Variants in PLSCR1 observed in about 807,000 individuals in gnomAD.
The protein encoded by PLSCR1 is PL scramblase 1.
In PLSCR1, 17 loss-of-function variants were observed where a neutral mutation model predicts 37.8. The observed-to-expected ratio is 0.45, with a 90% confidence interval of 0.31 to 0.68. PLSCR1 has a LOEUF of 0.68. PLSCR1 is among the 30% of genes least tolerant of loss of function. PLSCR1 has a pLI of 0.06. For synonymous variants in PLSCR1, 116 were observed against 125.9 expected (o/e 0.92, Z 0.53); for missense variants, 347 against 380.9 (o/e 0.91, Z 0.74).
At chr3:146,524,945 T>C (rs1488481471) in intron 5 of PLSCR1, among the ~76,000 whole-genome samples, 2 of 152,222 alleles carry the variant, frequency 1.3e-5, no homozygotes, top group Non-Finnish European at 2.9e-5. Flanking sequence ...CTATGGTTCA[T>C]AAATCTATCC....
chr3:146,542,757 CAT>C (rs2044352955), intron 1 of PLSCR1, among the ~76,000 whole-genome samples: 1 of 152,022 alleles, frequency 6.6e-6, no homozygotes, highest in South Asian at 2.1e-4. Context: ...CACAGATACA[CAT>C]ATATACACAT....
At chr3:146,535,920 A>C (rs2044259736) in intron 2 of PLSCR1, among the ~76,000 whole-genome samples, 1 of 152,206 alleles carries the variant, frequency 6.6e-6, no homozygotes, top group African/African-American at 2.4e-5. Flanking sequence ...AGCGTTTCAG[A>C]AAAACAGGAT....
chr3:146,542,019 G>A (rs776148723), intron 1 of PLSCR1, among the ~76,000 whole-genome samples: 26 of 152,124 alleles, frequency 1.7e-4, no homozygotes, highest in Non-Finnish European at 3.7e-4. Flanking sequence ...ATATATGATG[G>A]TGGTCCCATA....
At chr3:146,517,260 A>G in intron 7 of PLSCR1, 93 bp from the exon 8 acceptor site, 1 of 642,438 alleles carries the variant, frequency 1.6e-6, no homozygotes, top group Non-Finnish European at 2.5e-6. Context: ...ATATGGTATT[A>G]AAATTATGCA....
intron 7 of PLSCR1, chr3:146,517,371 T>C: frequency 3.4e-6 from 1 of 292,322 alleles, no homozygotes; most frequent in Non-Finnish European, 6.2e-6. Context: ...TTTCAGAAAG[T>C]TTTCCTGAAA....
At chr3:146,528,852 A>C (rs1442390049) in intron 3 of PLSCR1, 21 bp from the exon 4 acceptor site, 2 of 1,572,542 alleles carry the variant, frequency 1.3e-6, no homozygotes, top group Non-Finnish European at 1.7e-6. Context: ...AACAAGTGAA[A>C]TGATTTGTAA....
rs1048061374 is a variant in PLSCR1 at position 146,524,434 on chromosome 3, C to CA, written c.355+1170dup. On this transcript the variant is annotated intron_variant, in intron 5 of 8. Transcript: ENST00000342435. ...ACTTTCAATTTTGGAGAAAAAGAAA[C>CA]AAAAAAAAAACTGGAGACATTTCTT... 1.6e-3 allele frequency among the ~76,000 whole-genome samples: 221 copies of CA among 139,854 alleles called. 1 individual carries two copies. The highest frequency in any genetic ancestry group is 1.7e-3 in the African/African-American group (65 of 38,182). The allele number at this position is 139,854 out of a possible 152,430, so 91.7% of individuals were successfully genotyped here.
chr3:146,533,592 A>C (rs368186255), intron 2 of PLSCR1, 42 bp from the exon 3 acceptor site: 4 of 1,123,096 alleles, frequency 3.6e-6, no homozygotes, highest in Non-Finnish European at 4.0e-6. Context: ...GATTAAATAA[A>C]ATATATATTA....
At chr3:146,531,083 T>C (rs2044191719) in intron 3 of PLSCR1, among the ~76,000 whole-genome samples, 1 of 152,040 alleles carries the variant, frequency 6.6e-6, no homozygotes, top group African/African-American at 2.4e-5. Flanking sequence ...ATGCCAAAGG[T>C]CGCTATTGAG....
At chr3:146,521,474 A>G (rs1056758418) in intron 7 of PLSCR1, 70 bp downstream of exon 7, 50 of 1,307,740 alleles carry the variant, frequency 3.8e-5, no homozygotes, top group Non-Finnish European at 4.6e-5. Flanking sequence ...ATGCATTTAT[A>G]ATGTCCTGCA....
At chr3:146,537,229 G>A (rs1458181283) in intron 1 of PLSCR1, among the ~76,000 whole-genome samples, 2 of 151,756 alleles carry the variant, frequency 1.3e-5, no homozygotes, top group Non-Finnish European at 2.9e-5. Flanking sequence ...AACATAAATT[G>A]CAGCAAACAT....
At chr3:146,516,150 G>T in intron 8 of PLSCR1, 49 bp from the exon 9 acceptor site, 1 of 1,171,336 alleles carries the variant, frequency 8.5e-7, no homozygotes. Context: ...ACAAAACAGA[G>T]ATCAATTATC....
At chr3:146,524,514 A>G (rs953582837) in intron 5 of PLSCR1, among the ~76,000 whole-genome samples, 1 of 152,040 alleles carries the variant, frequency 6.6e-6, no homozygotes, top group Non-Finnish European at 1.5e-5. Flanking sequence ...TCTATTTCAT[A>G]ATTAACACAT....
At chr3:146,533,655 T>C in intron 2 of PLSCR1, 105 bp from the exon 3 acceptor site, 1 of 576,654 alleles carries the variant, frequency 1.7e-6, no homozygotes, top group Non-Finnish European at 2.9e-6. Context: ...GTTCTTATGC[T>C]GTATTGAAAT....
intron 4 of PLSCR1, chr3:146,528,271 CT>C (rs1182168342): frequency 1.1e-5 from 3 of 262,066 alleles, no homozygotes; most frequent in Non-Finnish European, 2.2e-5. Flanking sequence ...TCAGTTTCTT[CT>C]TTTGAAAAAT....
intron 1 of PLSCR1, among the ~76,000 whole-genome samples, chr3:146,538,701 A>C (rs1165203442): frequency 6.6e-6 from 1 of 152,186 alleles, no homozygotes; most frequent in Non-Finnish European, 1.5e-5. Context: ...AAACTTAGGC[A>C]AGTTTTTATT....
At chr3:146,529,708 T>A (rs1337497876) in intron 3 of PLSCR1, among the ~76,000 whole-genome samples, 1 of 151,888 alleles carries the variant, frequency 6.6e-6, no homozygotes, top group Non-Finnish European at 1.5e-5. Flanking sequence ...AGAGACGGGG[T>A]TTCAGTGTGT....
intron 7 of PLSCR1, among the ~76,000 whole-genome samples, chr3:146,519,372 T>G (rs2043987834): frequency 6.6e-6 from 1 of 152,140 alleles, no homozygotes; most frequent in Non-Finnish European, 1.5e-5. Flanking sequence ...TTCTATATTT[T>G]GAGATTCCTG....
intron 5 of PLSCR1, among the ~76,000 whole-genome samples, chr3:146,524,227 T>C (rs2044073588): frequency 6.6e-6 from 1 of 152,222 alleles, no homozygotes; most frequent in Admixed American, 6.5e-5. Flanking sequence ...AAAACAACAT[T>C]GGTTTACATA....
Sources: allele counts gnomAD v4.1 joint callset (sites outside exome capture counted in the v4.1 genomes callset), GRCh38; gene constraint gnomAD v4.1.1; transcripts MANE v1.5; gene names NCBI Gene and HGNC (gene_info 2026-07-23, HGNC 2026-07-21).